Variants in ZBTB7C observed in about 807,000 individuals in gnomAD.
ZBTB7C encodes the protein zinc finger and BTB domain-containing protein 7C.
In ZBTB7C, 8 loss-of-function variants were observed where a neutral mutation model predicts 25.7. The observed-to-expected ratio is 0.31, with a 90% CI of 0.18 to 0.56. The LOEUF is 0.56. Among genes scored for constraint, ZBTB7C ranks in the 20% least tolerant of loss-of-function variants. The probability of loss-of-function intolerance (pLI) is 0.91; values close to 1 mark genes in which losing one functional copy is unlikely to be tolerated. For synonymous variants in ZBTB7C, 394 were observed against 369.0 expected (o/e 1.07, Z -0.78); for missense variants, 824 against 855.2 (o/e 0.96, Z 0.46).
intron 3 of ZBTB7C, among the ~76,000 whole-genome samples, chr18:48,130,736 C>T (rs1186606724): frequency 6.6e-6 from 1 of 152,096 alleles, no homozygotes; most frequent in South Asian, 2.1e-4. Flanking sequence ...AGAACACCAG[C>T]GTAATCCATC....
chr18:48,304,841 CAAAAAAA>C (rs35398428), intron 2 of ZBTB7C, among the ~76,000 whole-genome samples: 5 of 90,338 alleles, frequency 5.5e-5, no homozygotes, highest in Admixed American at 1.3e-4. Context: ...GGCTCTACCT[CAAAAAAA>C]AAAAAAAAAA....
intron 2 of ZBTB7C, among the ~76,000 whole-genome samples, chr18:48,296,947 A>C (rs923508489): frequency 6.6e-6 from 1 of 152,230 alleles, no homozygotes; most frequent in Admixed American, 6.5e-5. Flanking sequence ...TACTAAAAGC[A>C]CAAAAATTAG....
chr18:48,108,063 A>G (rs998157844), intron 3 of ZBTB7C, among the ~76,000 whole-genome samples: 4 of 152,180 alleles, frequency 2.6e-5, no homozygotes, highest in African/African-American at 9.6e-5. Context: ...ATTCCTTCAC[A>G]TGGCGTCTGA....
intron 2 of ZBTB7C, among the ~76,000 whole-genome samples, chr18:48,207,660 C>T (rs2042611408): frequency 6.6e-6 from 1 of 151,776 alleles, no homozygotes; most frequent in South Asian, 2.1e-4. Context: ...CCCTATGTTG[C>T]CCAGGCTGGT....
At chr18:48,141,766 G>A (rs1040364261) in intron 3 of ZBTB7C, among the ~76,000 whole-genome samples, 5 of 152,192 alleles carry the variant, frequency 3.3e-5, no homozygotes, top group Admixed American at 2.6e-4. Context: ...AAAACTGAAA[G>A]AAAATGGAAC....
chr18:48,331,604 C>T (rs1316520749), intron 2 of ZBTB7C, among the ~76,000 whole-genome samples: 3 of 152,212 alleles, frequency 2.0e-5, no homozygotes, highest in South Asian at 2.1e-4. Flanking sequence ...ATTAGCATCA[C>T]CAAGGCTCTG....
Position 48,259,330 on chromosome 18 carries a change from A to C in ZBTB7C, c.-78-73335T>G, listed in dbSNP as rs1309197443. Among the ~76,000 whole-genome samples the C allele has an allele frequency of 3.8e-5, 5 of 130,176 alleles. No homozygotes were observed. In the South Asian group the frequency reaches 7.6e-4, roughly 20 times the overall value. The allele number at this position is 130,176 out of a possible 152,430, so 85.4% of individuals were successfully genotyped here. A position where few individuals can be genotyped will look rare whatever the true frequency, so the allele number is the denominator to read the frequency against. On this transcript the variant is annotated intron_variant, in intron 2 of 4. Transcript: ENST00000590800. ...TCTTTTCAACAAATCTTGATGAAAC[A>C]ATGAGATATTCTTTTGCAAAAAAGC...
rs146779360 is a variant in ZBTB7C at position 48,351,979 on chromosome 18, T to G, written c.-303-13581A>C. On this transcript the variant is annotated intron_variant, in intron 1 of 4. Coordinates refer to ENST00000590800, the MANE Select transcript of ZBTB7C (RefSeq NM_001318841.2). ...CAGGAACTAGAGATACCCCACCCTC[T>G]GCCCAGCCCCCTTCCTCACCTCCAT... 6.2e-3 allele frequency among the ~76,000 whole-genome samples: 947 copies of G among 152,204 alleles called. 5 individuals are homozygous for G. The highest frequency in any genetic ancestry group is 0.01 in the Non-Finnish European group (710 of 67,988).
At chr18:48,048,143 C>T (rs891828283) in intron 3 of ZBTB7C, among the ~76,000 whole-genome samples, 1 of 152,058 alleles carries the variant, frequency 6.6e-6, no homozygotes. Flanking sequence ...CCAAGCTTGC[C>T]AGGTGACTAA....
At chr18:48,242,871 A>G (rs2043567678) in intron 2 of ZBTB7C, among the ~76,000 whole-genome samples, 1 of 152,190 alleles carries the variant, frequency 6.6e-6, no homozygotes, top group African/African-American at 2.4e-5. Context: ...AGAGAAAGAA[A>G]TAAAGGGCAT....
intron 2 of ZBTB7C, among the ~76,000 whole-genome samples, chr18:48,313,052 G>T (rs1000616171): frequency 6.6e-6 from 1 of 152,134 alleles, no homozygotes; most frequent in Admixed American, 6.5e-5. Flanking sequence ...CTTGCATCAG[G>T]TCCTGTTCAT....
intron 3 of ZBTB7C, chr18:48,136,958 A>C (rs2040189692): frequency 1.5e-4 from 113 of 739,736 alleles, no homozygotes; most frequent in South Asian, 3.7e-4. Flanking sequence ...TGGGCTCCCC[A>C]GAGCCCCGAT....
At chr18:48,091,238 A>AT (rs35051690) in intron 3 of ZBTB7C, among the ~76,000 whole-genome samples, 5,796 of 64,626 alleles carry the variant, frequency 0.09, 397 homozygotes, top group East Asian at 0.22. Context: ...TGCCCGGATA[A>AT]TTTTTTTTTT....
At chr18:48,055,303 G>A (rs187103031) in intron 3 of ZBTB7C, among the ~76,000 whole-genome samples, 8 of 151,542 alleles carry the variant, frequency 5.3e-5, no homozygotes, top group Non-Finnish European at 7.4e-5. Flanking sequence ...CCAGCTACTC[G>A]GAAGGCTGAG....
Position 48,404,130 on chromosome 18 carries a change from T to C in ZBTB7C, c.-304+5096A>G, listed in dbSNP as rs149433370. ...TAACCAGCCATGGCGGGGCCGCCTA[T>C]AATCCCAGCTATTCAGGAAGCTGAG... On this transcript the variant is annotated intron_variant, in intron 1 of 4. Coordinates refer to ENST00000590800, the MANE Select transcript of ZBTB7C (RefSeq NM_001318841.2). Among the ~76,000 whole-genome samples the C allele has an allele frequency of 1.6e-4, 24 of 152,246 alleles. No homozygotes were observed. The East Asian group carries it at 4.6e-3, about 29-fold the overall frequency.
intron 3 of ZBTB7C, among the ~76,000 whole-genome samples, chr18:48,097,319 A>C (rs2038669431): frequency 6.6e-6 from 1 of 152,180 alleles, no homozygotes; most frequent in Non-Finnish European, 1.5e-5. Context: ...AGTTGTATAG[A>C]GAGAAGTCAA....
chr18:48,165,817 A>G (rs574870675), intron 3 of ZBTB7C, among the ~76,000 whole-genome samples: 19 of 152,158 alleles, frequency 1.2e-4, no homozygotes, highest in Non-Finnish European at 2.5e-4. Flanking sequence ...CAGCACACAT[A>G]TTCTCGCCAC....
At chr18:48,273,086 GA>G (rs1243946542) in intron 2 of ZBTB7C, among the ~76,000 whole-genome samples, 2 of 152,160 alleles carry the variant, frequency 1.3e-5, no homozygotes, top group Non-Finnish European at 2.9e-5. Flanking sequence ...AATGGTTGCA[GA>G]ACTGTGTGAA....
intron 1 of ZBTB7C, among the ~76,000 whole-genome samples, chr18:48,389,548 G>A (rs1041193409): frequency 2.7e-5 from 4 of 148,212 alleles, no homozygotes; most frequent in African/African-American, 1.0e-4. Context: ...CCTGATACAG[G>A]AAAACACCAA....
Sources: allele counts gnomAD v4.1 joint callset (sites outside exome capture counted in the v4.1 genomes callset), GRCh38; gene constraint gnomAD v4.1.1; transcripts MANE v1.5; gene names NCBI Gene and HGNC (gene_info 2026-07-23, HGNC 2026-07-21).